The following ERGIC2 variants were observed in gnomAD, a reference collection of about 807,000 sequenced individuals.
The protein encoded by ERGIC2 is endoplasmic reticulum-Golgi intermediate compartment protein 2.
In ERGIC2, 31 loss-of-function variants were observed where a neutral mutation model predicts 52.5. The ratio of observed to expected loss-of-function variants is 0.59; its 90% CI spans 0.44 to 0.80. The LOEUF (loss-of-function observed/expected upper bound fraction) is 0.80, where lower values mean the gene tolerates loss of function less well. Ranked by LOEUF, ERGIC2 falls within the 30% of genes least tolerant of loss-of-function variation. The pLI is 0.00. For missense variants in ERGIC2, 395 were observed against 455.2 expected, an observed-to-expected ratio of 0.87 and a Z score of 1.20; for synonymous variants, 129 against 140.6, an observed-to-expected ratio of 0.92 and a Z score of 0.58.
intron 1 of ERGIC2, among the ~76,000 whole-genome samples, chr12:29,379,145 C>T (rs1940553413): frequency 6.6e-6 from 1 of 152,068 alleles, no homozygotes; most frequent in Admixed American, 6.5e-5. Flanking sequence ...GAAGCAAGGA[C>T]AAGTATAATC....
At chr12:29,341,974 TTTC>T (rs1949843535) in intron 12 of ERGIC2, 158 bp from the exon 13 acceptor site, 4 of 499,110 alleles carry the variant, frequency 8.0e-6, no homozygotes, top group Admixed American at 3.5e-5. Flanking sequence ...AACAAATGGA[TTTC>T]TTTTCAAAGT....
chr12:29,362,837 G>T (rs2136869392), intron 5 of ERGIC2, among the ~76,000 whole-genome samples: 1 of 152,098 alleles, frequency 6.6e-6, no homozygotes, highest in East Asian at 1.9e-4. Flanking sequence ...TCACATTATA[G>T]CATATAAGGA....
intron 10 of ERGIC2, among the ~76,000 whole-genome samples, chr12:29,346,811 T>G (rs2136852658): frequency 6.6e-6 from 1 of 152,308 alleles, no homozygotes; most frequent in Admixed American, 6.5e-5. Context: ...CCCATTCACA[T>G]AATATAAAAC....
In ERGIC2 at chr12:29,339,236, C is replaced by T. The variant is rs773512006; in HGVS notation, c.*1920G>A. ...ATTTTAATATGGTATTTGGAAAATA[C>T]GAAAACAATTAAAAATCATATATAA... is the stretch of plus-strand genomic sequence containing the variant. On this transcript the variant is annotated 3_prime_UTR_variant, in exon 14 of 14. Transcript: ENST00000360150. The T allele has an allele frequency of 3.9e-5, 6 of 152,056 alleles. No homozygotes were observed. The highest frequency in any genetic ancestry group is 1.2e-4 in the African/African-American group (5 of 41,498). The allele number at this position is 152,056 out of a possible 1,614,324, so 9.4% of individuals were successfully genotyped here. A position where few individuals can be genotyped will look rare whatever the true frequency, so the allele number is the denominator to read the frequency against.
chr12:29,363,835 G>GAAAAAAAAAAAAAAAA (rs71042988), intron 5 of ERGIC2, among the ~76,000 whole-genome samples: 1 of 129,568 alleles, frequency 7.7e-6, no homozygotes, highest in African/African-American at 3.0e-5. Flanking sequence ...TCATAAATGT[G>GAAAAAAAAAAAAAAAA]AAAAAAAAAA....
At chr12:29,374,837 A>G (rs988161212) in intron 1 of ERGIC2, among the ~76,000 whole-genome samples, 5 of 152,092 alleles carry the variant, frequency 3.3e-5, no homozygotes, top group African/African-American at 1.2e-4. Flanking sequence ...TCTAATCTTC[A>G]ACCTTCCAAT....
chr12:29,345,423 A>C lies in ERGIC2; in HGVS notation c.825+20T>G. 7.7e-7 allele frequency: 1 copy of C among 1,299,612 alleles called. No individual in the cohort carries two copies. Among genetic ancestry groups the C allele is most frequent in the Non-Finnish European group, 1.1e-6 (1 of 915,084 alleles). 80.5% of individuals were successfully genotyped at this position (1,299,612 alleles called of 1,614,324 possible). On this transcript the variant is annotated intron_variant, in intron 11 of 13. Coordinates refer to ENST00000360150, the MANE Select transcript of ERGIC2 (RefSeq NM_016570.3). ...TTTAAAAAAATCACCAAATTATTTTACCGGTTGGATTCAACTTACCCTTTC... is the reference window on the plus strand; with the variant it reads ...TTTAAAAAAATCACCAAATTATTTTCCCGGTTGGATTCAACTTACCCTTTC...
At chr12:29,343,447 A>G (rs1391822355) in intron 11 of ERGIC2, among the ~76,000 whole-genome samples, 165 bp from the exon 12 acceptor site, 1 of 152,222 alleles carries the variant, frequency 6.6e-6, no homozygotes, top group African/African-American at 2.4e-5. Context: ...AGCTCTTCAG[A>G]GACAAATTAT....
rs191149802 is a variant in ERGIC2, at chr12:29,340,940, G to A, written c.*216C>T. 31 of 553,348 alleles carry A rather than the reference G, an allele frequency of 5.6e-5. No individual in the cohort carries two copies. Among genetic ancestry groups the A allele is most frequent in the South Asian group, 4.1e-4 (21 of 51,060 alleles). 34.3% of individuals were successfully genotyped at this position (553,348 alleles called of 1,614,324 possible). A position where few individuals can be genotyped will look rare whatever the true frequency, so the allele number is the denominator to read the frequency against. ...AACACTCCAGTTGGGCTTCTTCATC[G>A]TTTAGCTGCATGATTTCTTCTACGA... On this transcript the variant is annotated 3_prime_UTR_variant, in exon 14 of 14. Coordinates refer to ENST00000360150, the MANE Select transcript of ERGIC2 (RefSeq NM_016570.3).
At chr12:29,367,598 A>C (rs558848268) in intron 4 of ERGIC2, among the ~76,000 whole-genome samples, 2 of 151,980 alleles carry the variant, frequency 1.3e-5, no homozygotes, top group African/African-American at 4.8e-5. Context: ...CCTCTAATTA[A>C]TTGGGTAAAA....
chr12:29,340,686 C>A lies in ERGIC2; in HGVS notation c.*470G>T. The A allele has an allele frequency of 3.2e-6, 1 of 315,278 alleles. No individual in the cohort carries two copies. The highest frequency in any genetic ancestry group is 9.8e-5 in the East Asian group (1 of 10,244). The allele number at this position is 315,278 out of a possible 1,614,324, so 19.5% of individuals were successfully genotyped here. A position where few individuals can be genotyped will look rare whatever the true frequency, so the allele number is the denominator to read the frequency against. ...TTTTATTAACAATGTGACCTGATCA[C>A]AATTCTTTAAAGTCTAGACTAGTTT... On this transcript the variant is annotated 3_prime_UTR_variant, in exon 14 of 14. Transcript: ENST00000360150.
chr12:29,363,860 C>G (rs1007055586), intron 5 of ERGIC2, among the ~76,000 whole-genome samples: 4 of 146,692 alleles, frequency 2.7e-5, no homozygotes, highest in South Asian at 4.3e-4. Context: ...AGAGAGTGAC[C>G]ACAACAGTTA....
intron 5 of ERGIC2, 116 bp from the exon 6 acceptor site, chr12:29,361,801 G>T: frequency 1.5e-6 from 1 of 659,100 alleles, no homozygotes; most frequent in Non-Finnish European, 2.4e-6. Context: ...TTAAAAACAA[G>T]TATTCATGGT....
chr12:29,339,594 A>G lies in ERGIC2; in HGVS notation c.*1562T>C, dbSNP rs1346064841. On this transcript the variant is annotated 3_prime_UTR_variant, in exon 14 of 14. Coordinates refer to ENST00000360150, the MANE Select transcript of ERGIC2 (RefSeq NM_016570.3). ...TCTTTCAAAGTATGTTATATCACTT[A>G]TTTTCATCAGTTAACGTCATGGCTC... 2 of 152,162 alleles carry G rather than the reference A, an allele frequency of 1.3e-5. No homozygotes were observed. Among genetic ancestry groups the G allele is most frequent in the East Asian group, 3.8e-4 (2 of 5,200 alleles). 9.4% of individuals were successfully genotyped at this position (152,162 alleles called of 1,614,324 possible).
chr12:29,368,174 A>G, intron 4 of ERGIC2, 67 bp downstream of exon 4: 1 of 976,126 alleles, frequency 1.0e-6, no homozygotes, highest in Admixed American at 1.9e-5. Context: ...AGTGATTTTT[A>G]TTTTTGCTTG....
intron 11 of ERGIC2, among the ~76,000 whole-genome samples, 149 bp downstream of exon 11, chr12:29,345,289 TTAAAA>T (rs1940030541): frequency 6.6e-6 from 1 of 152,232 alleles, no homozygotes; most frequent in Non-Finnish European, 1.5e-5. Context: ...TATTTCTGAT[TTAAAA>T]TAAAATGTTA....
intron 8 of ERGIC2, among the ~76,000 whole-genome samples, chr12:29,351,519 C>T (rs923881423): frequency 6.6e-6 from 1 of 152,168 alleles, no homozygotes; most frequent in African/African-American, 2.4e-5. Context: ...ATAAGCAGTT[C>T]TAGTAACATC....
At position 29,349,173 on chromosome 12, in the gene ERGIC2, G is replaced by A. The variant is rs1489363572; in HGVS notation, c.633C>T (p.Tyr211=). 1.3e-6 allele frequency: 2 copies of A among 1,534,840 alleles called. No homozygotes were observed. The highest frequency in any genetic ancestry group is 2.5e-5 in the South Asian group (2 of 81,394). The change falls in exon 10 of 14, where the codon TAC becomes TAT. Residue 211 remains tyrosine, a synonymous_variant. Transcript: ENST00000360150. ...HLAALVNHES[Y]NFSHRIDHLS... is the part of the protein sequence containing the mutation. ...AATGATCTATTCTATGAGAAAAATTGTAAGCTAAAAGGCAAAAAATAAAAA... is the reference window on the plus strand; with the variant it reads ...AATGATCTATTCTATGAGAAAAATTATAAGCTAAAAGGCAAAAAATAAAAA...
intron 9 of ERGIC2, 47 bp downstream of exon 9, chr12:29,349,966 A>G: frequency 8.1e-7 from 1 of 1,228,232 alleles, no homozygotes; most frequent in Non-Finnish European, 1.2e-6. Flanking sequence ...TAAAAATAAT[A>G]TTTTTTCAAG....
Sources: allele counts gnomAD v4.1 joint callset (sites outside exome capture counted in the v4.1 genomes callset), GRCh38; gene constraint gnomAD v4.1.1; transcripts MANE v1.5; gene names NCBI Gene and HGNC (gene_info 2026-07-23, HGNC 2026-07-21).